Variants in LRMDA observed in about 807,000 individuals in gnomAD.
The protein encoded by LRMDA is leucine rich melanocyte differentiation associated, also known as leucine-rich melanocyte differentiation-associated protein.
In LRMDA, 18 loss-of-function variants were observed where a neutral mutation model predicts 29.8. That is an observed-to-expected ratio of 0.60 (90% confidence interval 0.42 to 0.90). LRMDA has a LOEUF of 0.90. Among genes scored for constraint, LRMDA ranks in the 40% least tolerant of loss-of-function variants. The pLI is 0.00. For synonymous variants in LRMDA, 125 were observed against 109.4 expected (o/e 1.14, Z -0.89); for missense variants, 273 against 273.9 (o/e 1.00, Z 0.02).
intron 2 of LRMDA, among the ~76,000 whole-genome samples, chr10:75,506,385 C>G (rs747618882): frequency 3.3e-5 from 5 of 152,228 alleles, no homozygotes; most frequent in African/African-American, 1.2e-4. Context: ...CTGGGATTTC[C>G]AAACCAACTA....
At chr10:76,035,770 G>A (rs1047442177) in intron 2 of LRMDA, among the ~76,000 whole-genome samples, 1 of 152,174 alleles carries the variant, frequency 6.6e-6, no homozygotes, top group Non-Finnish European at 1.5e-5. Context: ...CTCACTAAGT[G>A]ACCCTCATCC....
At chr10:76,175,657 G>C (rs11001668) in intron 5 of LRMDA, among the ~76,000 whole-genome samples, 1 of 152,158 alleles carries the variant, frequency 6.6e-6, no homozygotes, top group Non-Finnish European at 1.5e-5. Context: ...ATTTGGCTCC[G>C]TTGAAAGCAG....
intron 2 of LRMDA, among the ~76,000 whole-genome samples, chr10:75,991,207 G>T (rs1236506264): frequency 6.6e-6 from 1 of 152,100 alleles, no homozygotes. Context: ...ATGTATTTTT[G>T]GTGTGTGTGC....
At chr10:75,729,589 G>C (rs1429668741) in intron 2 of LRMDA, among the ~76,000 whole-genome samples, 2 of 152,172 alleles carry the variant, frequency 1.3e-5, no homozygotes, top group Non-Finnish European at 2.9e-5. Context: ...GGAAGGGTGT[G>C]TGTATGAAAG....
At position 76,335,467 on chromosome 10, in the gene LRMDA, TCA is replaced by T. The variant is rs1840955710; in HGVS notation, c.601+10985_601+10986del. Reference sequence around the variant, plus strand: ...AACCCATAGGTATCTGAGACATGTCTCACAATAAATTTAGAAAGTTTATTTTG... The same window carrying T: ...AACCCATAGGTATCTGAGACATGTCTCAATAAATTTAGAAAGTTTATTTTG... On this transcript the variant is annotated intron_variant, in intron 6 of 6. Coordinates refer to ENST00000611255, the MANE Select transcript of LRMDA (RefSeq NM_001305581.2). Among the ~76,000 whole-genome samples, 3 of 152,196 alleles carry T rather than the reference TCA, an allele frequency of 2.0e-5. No individual in the cohort carries two copies. The South Asian group carries it at 6.2e-4, about 32-fold the overall frequency.
At chr10:76,112,732 G>T (rs532420775) in intron 5 of LRMDA, among the ~76,000 whole-genome samples, 2 of 152,330 alleles carry the variant, frequency 1.3e-5, no homozygotes, top group East Asian at 3.9e-4. Context: ...ATGCCAGAAC[G>T]CTGCCTTTTG....
chr10:75,444,798 C>T (rs1271283120), intron 2 of LRMDA, among the ~76,000 whole-genome samples: 1 of 152,186 alleles, frequency 6.6e-6, no homozygotes, highest in African/African-American at 2.4e-5. Flanking sequence ...ATCTTACCAA[C>T]CAGAAATCAC....
chr10:75,569,197 C>A (rs563823812), intron 2 of LRMDA, among the ~76,000 whole-genome samples: 2 of 152,266 alleles, frequency 1.3e-5, no homozygotes, highest in South Asian at 4.2e-4. Context: ...AATGGGTAGA[C>A]ATGTTTCTGA....
intron 2 of LRMDA, among the ~76,000 whole-genome samples, chr10:75,696,382 G>A (rs1842234888): frequency 6.6e-6 from 1 of 152,192 alleles, no homozygotes; most frequent in Non-Finnish European, 1.5e-5. Context: ...TCTTGCATTG[G>A]CAATTAAATG....
intron 5 of LRMDA, among the ~76,000 whole-genome samples, chr10:76,112,046 T>C (rs894390277): frequency 2.6e-5 from 4 of 152,202 alleles, no homozygotes; most frequent in Admixed American, 1.3e-4. Context: ...GACTTTCTTT[T>C]TGAATTCCAC....
intron 2 of LRMDA, among the ~76,000 whole-genome samples, chr10:75,609,223 G>A (rs1840997298): frequency 6.6e-6 from 1 of 152,138 alleles, no homozygotes; most frequent in Admixed American, 6.5e-5. Flanking sequence ...AACTCCCTGA[G>A]GAGGCTTGGT....
rs555181777 is a variant in LRMDA, at chr10:76,388,420, G to T, written c.601+63935G>T. ...GGCTGACTTGACTGGAAATGGGAAT[G>T]ATCTGAAGACTCATGTTCATACATT... On this transcript the variant is annotated intron_variant, in intron 6 of 6. Coordinates refer to ENST00000611255, the MANE Select transcript of LRMDA (RefSeq NM_001305581.2). Among the ~76,000 whole-genome samples the T allele has an allele frequency of 3.9e-5, 6 of 152,320 alleles. No individual in the cohort carries two copies. The East Asian group carries it at 1.2e-3, about 29-fold the overall frequency.
intron 2 of LRMDA, among the ~76,000 whole-genome samples, chr10:75,579,188 G>C (rs1840553326): frequency 6.6e-6 from 1 of 152,136 alleles, no homozygotes; most frequent in East Asian, 1.9e-4. Context: ...GACTAATAAA[G>C]AAGAAAACAG....
chr10:76,103,141 G>A (rs1342685343), intron 5 of LRMDA, among the ~76,000 whole-genome samples: 1 of 152,172 alleles, frequency 6.6e-6, no homozygotes, highest in Admixed American at 6.5e-5. Flanking sequence ...AGTAAGACAG[G>A]CAAGGAAGTC....
intron 2 of LRMDA, among the ~76,000 whole-genome samples, chr10:75,760,347 A>T (rs1414202334): frequency 6.6e-6 from 1 of 152,224 alleles, no homozygotes; most frequent in African/African-American, 2.4e-5. Context: ...TTCCTAAGTC[A>T]GGTCTGCCAA....
chr10:76,339,075 T>C (rs1171710684), intron 6 of LRMDA, among the ~76,000 whole-genome samples: 1 of 152,164 alleles, frequency 6.6e-6, no homozygotes, highest in Non-Finnish European at 1.5e-5. Context: ...ATGGACTTTT[T>C]ACAATACCTT....
intron 2 of LRMDA, among the ~76,000 whole-genome samples, chr10:76,019,408 A>G (rs1847932589): frequency 6.6e-6 from 1 of 152,150 alleles, no homozygotes; most frequent in Admixed American, 6.5e-5. Context: ...TGAATTGGTC[A>G]TGGTGGTTCT....
chr10:75,453,521 G>A (rs544504190), intron 2 of LRMDA, among the ~76,000 whole-genome samples: 14 of 152,284 alleles, frequency 9.2e-5, no homozygotes, highest in African/African-American at 3.1e-4. Context: ...GTTTGCAAAG[G>A]TGCCATTTTT....
chr10:76,433,987 G>C (rs112302303), intron 6 of LRMDA, among the ~76,000 whole-genome samples: 339 of 152,200 alleles, frequency 2.2e-3, no homozygotes, highest in African/African-American at 7.8e-3. Context: ...TGACGCTTAG[G>C]CTTCTTCTTA....
Sources: allele counts gnomAD v4.1 joint callset (sites outside exome capture counted in the v4.1 genomes callset), GRCh38; gene constraint gnomAD v4.1.1; transcripts MANE v1.5; gene names NCBI Gene and HGNC (gene_info 2026-07-23, HGNC 2026-07-21).